The following RPS6KA2 variants were observed in gnomAD, a reference collection of about 807,000 sequenced individuals.
The protein encoded by RPS6KA2 is ribosomal protein S6 kinase A2.
RPS6KA2 carries 42 observed loss-of-function variants against 91.8 expected under a neutral mutation model. The observed-to-expected ratio is 0.46, with a 90% CI of 0.36 to 0.59. The LOEUF is 0.59. RPS6KA2 is among the 20% of genes least tolerant of loss of function. RPS6KA2 has a pLI of 0.00. For synonymous variants in RPS6KA2, 414 were observed against 393.6 expected, an observed-to-expected ratio of 1.05 and a Z score of -0.61; for missense variants, 798 against 978.5, an observed-to-expected ratio of 0.82 and a Z score of 2.46.
chr6:166,764,736 A>T (rs1203495104), intron 2 of RPS6KA2, among the ~76,000 whole-genome samples: 2 of 152,198 alleles, frequency 1.3e-5, no homozygotes, highest in Non-Finnish European at 2.9e-5. Flanking sequence ...TGACAACGGG[A>T]GGAAGACGCG....
chr6:166,790,666 C>T (rs187083741), intron 2 of RPS6KA2, among the ~76,000 whole-genome samples: 2,374 of 152,278 alleles, frequency 0.016, 48 homozygotes, highest in African/African-American at 0.05. Flanking sequence ...GCGGATCTCT[C>T]GGCAGAAACT....
At chr6:166,862,442 C>G in exon 1 of RPS6KA2, 2 of 1,244,316 alleles carry the variant, frequency 1.6e-6, no homozygotes, top group Non-Finnish European at 2.1e-6. Context: ...TGGGGAGCTG[C>G]TGCCGCTTCC....
intron 2 of RPS6KA2, among the ~76,000 whole-genome samples, chr6:166,637,048 C>T (rs1734355853): frequency 6.6e-6 from 1 of 152,344 alleles, no homozygotes; most frequent in Middle Eastern, 3.4e-3. Flanking sequence ...CCTTCCTCTC[C>T]ACCACCTAAA....
intron 1 of RPS6KA2, chr6:166,544,682 A>T (rs1267413866): frequency 6.6e-6 from 1 of 152,198 alleles, no homozygotes; most frequent in Non-Finnish European, 1.5e-5. Flanking sequence ...ACCAGGGCCT[A>T]GGACGTTTAG....
intron 2 of RPS6KA2, among the ~76,000 whole-genome samples, chr6:166,746,442 T>C (rs1055999480): frequency 1.4e-4 from 21 of 152,194 alleles, no homozygotes; most frequent in African/African-American, 4.8e-4. Flanking sequence ...TCTCAGGCAA[T>C]ACCACATTTC....
Position 166,737,061 on chromosome 6 carries a change from A to G in RPS6KA2, c.123+121139T>C, listed in dbSNP as rs1431034047. Among the ~76,000 whole-genome samples, 1 of 152,202 alleles carries G rather than the reference A, an allele frequency of 6.6e-6. No individual in the cohort carries two copies. The highest frequency in any genetic ancestry group is 2.4e-5 in the African/African-American group (1 of 41,458). On this transcript the variant is annotated intron_variant, in intron 2 of 21. Transcript: ENST00000503859. The surrounding 1 kb of genome is among the most constrained non-coding windows in gnomAD (Gnocchi z 4.3). The stretch of plus-strand genomic sequence containing the variant: ...GAGAGCGGCAAAGCGCATGGAGCCT[A>G]CGCTTTTTTACAGACGCAAAAAGAT...
intron 1 of RPS6KA2, among the ~76,000 whole-genome samples, chr6:166,600,465 A>G (rs1785695109): frequency 6.6e-6 from 1 of 152,206 alleles, no homozygotes; most frequent in Non-Finnish European, 1.5e-5. Context: ...AGTCACCACC[A>G]TCAGATGTGA....
At chr6:166,587,777 C>A (rs1270884345) in intron 1 of RPS6KA2, among the ~76,000 whole-genome samples, 1 of 152,080 alleles carries the variant, frequency 6.6e-6, no homozygotes, top group Admixed American at 6.5e-5. Context: ...TGAAACTAGC[C>A]GTCTGGCCTC....
chr6:166,680,317 C>T (rs537406893), intron 2 of RPS6KA2, among the ~76,000 whole-genome samples: 2 of 152,280 alleles, frequency 1.3e-5, no homozygotes, highest in East Asian at 1.9e-4. Flanking sequence ...CTCTGTAAAA[C>T]GGACCAATCA....
At chr6:166,753,346 A>G (rs1722570385) in intron 2 of RPS6KA2, among the ~76,000 whole-genome samples, 1 of 152,250 alleles carries the variant, frequency 6.6e-6, no homozygotes, top group East Asian at 1.9e-4. Flanking sequence ...CCTTAAAAAT[A>G]AAATTTTAGT....
intron 1 of RPS6KA2, among the ~76,000 whole-genome samples, chr6:166,588,708 T>C (rs1785265455): frequency 6.6e-6 from 1 of 152,226 alleles, no homozygotes; most frequent in Non-Finnish European, 1.5e-5. Context: ...ATTGCTGCCC[T>C]GTAACCTGGG....
intron 17 of RPS6KA2, among the ~76,000 whole-genome samples, chr6:166,421,700 T>C (rs1170509754): frequency 6.6e-6 from 1 of 152,200 alleles, no homozygotes; most frequent in Non-Finnish European, 1.5e-5. Context: ...TCTGGGCATC[T>C]CGCATGCATA....
At chr6:166,797,711 G>GA (rs1779261177) in intron 2 of RPS6KA2, among the ~76,000 whole-genome samples, 1 of 152,124 alleles carries the variant, frequency 6.6e-6, no homozygotes, top group Non-Finnish European at 1.5e-5. Flanking sequence ...AGAGGTGGGA[G>GA]AAAATCTGCA....
intron 10 of RPS6KA2, among the ~76,000 whole-genome samples, chr6:166,471,213 C>T (rs1002109143): frequency 6.6e-6 from 1 of 152,246 alleles, no homozygotes; most frequent in African/African-American, 2.4e-5. Flanking sequence ...CTGTGGTCAG[C>T]ACAGGTGTGG....
intron 1 of RPS6KA2, among the ~76,000 whole-genome samples, chr6:166,616,644 T>A (rs1470794090): frequency 6.6e-6 from 1 of 152,132 alleles, no homozygotes; most frequent in Non-Finnish European, 1.5e-5. Flanking sequence ...TGCAGGTCCA[T>A]CCTTCCCATC....
intron 2 of RPS6KA2, among the ~76,000 whole-genome samples, chr6:166,818,286 T>C (rs2128622397): frequency 6.6e-6 from 1 of 152,332 alleles, no homozygotes. Context: ...CTGTAGTCCC[T>C]GATGTAGGAC....
intron 2 of RPS6KA2, among the ~76,000 whole-genome samples, chr6:166,766,333 T>C (rs1056777445): frequency 1.3e-5 from 2 of 152,250 alleles, no homozygotes; most frequent in African/African-American, 4.8e-5. Flanking sequence ...ACTTTAGGCC[T>C]ATAACTTCAA....
chr6:166,781,963 C>G (rs1361813930), intron 2 of RPS6KA2, among the ~76,000 whole-genome samples: 1 of 152,170 alleles, frequency 6.6e-6, no homozygotes, highest in African/African-American at 2.4e-5. Context: ...AGTAGCATGT[C>G]CCCCCTGGAC....
chr6:166,490,583 A>T lies in RPS6KA2; in HGVS notation c.818+88T>A. The T allele has an allele frequency of 2.2e-6, 2 of 901,152 alleles. No individual in the cohort carries two copies. Among genetic ancestry groups the T allele is most frequent in the Non-Finnish European group, 3.6e-6 (2 of 557,856 alleles). The allele number at this position is 901,152 out of a possible 1,614,324, so 55.8% of individuals were successfully genotyped here. A position where few individuals can be genotyped will look rare whatever the true frequency, so the allele number is the denominator to read the frequency against. On this transcript the variant is annotated intron_variant, in intron 9 of 20. Coordinates refer to ENST00000265678, the MANE Select transcript of RPS6KA2 (RefSeq NM_021135.6). The surrounding 1 kb of genome is among the most constrained non-coding windows in gnomAD (Gnocchi z 4.2). ...GCACTGTAAGCCTAGCAATGTAATT[A>T]AAACTTCACAGTTCCAGGTTCAGAG...
Sources: allele counts gnomAD v4.1 joint callset (sites outside exome capture counted in the v4.1 genomes callset), GRCh38; gene constraint gnomAD v4.1.1; non-coding constraint Gnocchi (gnomAD v3.1); transcripts MANE v1.5; gene names NCBI Gene and HGNC (gene_info 2026-07-23, HGNC 2026-07-21).